Variants in PPM1N observed in about 807,000 individuals in gnomAD.
PPM1N encodes the protein protein phosphatase, Mg2+/Mn2+ dependent 1N (putative), also known as probable protein phosphatase 1N.
Under a neutral mutation model 32.6 loss-of-function variants are expected in PPM1N, and 35 were observed. That is an observed-to-expected ratio of 1.07 (90% confidence interval 0.82 to 1.43). PPM1N has a LOEUF of 1.43. Ranked by LOEUF, PPM1N falls within the 40% of genes most tolerant of loss-of-function variation. PPM1N has a pLI of 0.00. For missense variants in PPM1N, 648 were observed against 606.6 expected, an observed-to-expected ratio of 1.07 and a Z score of -0.72; for synonymous variants, 275 against 270.5, an observed-to-expected ratio of 1.02 and a Z score of -0.16.
chr19:45,500,840 C>CTTCT (rs540354314), intron 4 of PPM1N, 130 bp downstream of exon 4: 1 of 682,596 alleles, frequency 1.5e-6, no homozygotes, highest in Non-Finnish European at 2.5e-6. Flanking sequence ...CCTCTTTTCT[C>CTTCT]TTCTTTCTTT....
In PPM1N at chr19:45,498,552, A is replaced by C. The variant is rs1346159929; in HGVS notation, c.80A>C (p.Glu27Ala). The part of the protein sequence containing the change: ...KKKEREKEGR[E>A]EEEEEEAGRR... ...AAGGAGAGGGAGAAGGAGGGGAGGG[A>C]GGAAGAGGAGGAGGAGGAGGCGGGG... Residue 27 changes from glutamate (E) to alanine (A), a missense_variant, in exon 1 of 5, where the codon GAG becomes GCG. Physicochemically the swap from Glu to Ala is moderately radical, Grantham distance 107. Coordinates refer to ENST00000451287, the MANE Select transcript of PPM1N (RefSeq NM_001080401.2). 7 of 1,455,318 alleles carry C rather than the reference A, an allele frequency of 4.8e-6. No individual in the cohort carries two copies. 90.2% of individuals were successfully genotyped at this position (1,455,318 alleles called of 1,614,324 possible).
Position 45,499,961 on chromosome 19 carries a change from A to C in PPM1N, c.952A>C (p.Asn318His). The part of the protein sequence containing the change: ...DTCLCKGSLD[N>H]MTCILVCFPG... ...CCACCGGCTTCAGGGCAGCCTGGAC[A>C]ACATGACCTGCATCCTGGTCTGCTT... The change falls in exon 2 of 5, where the codon AAC becomes CAC. Residue 318 changes from asparagine (N) to histidine (H), a missense_variant. Asn to His is a moderately conservative substitution (Grantham distance 68). Coordinates refer to ENST00000451287, the MANE Select transcript of PPM1N (RefSeq NM_001080401.2). 6.3e-7 allele frequency: 1 copy of C among 1,588,236 alleles called. No individual in the cohort carries two copies. The highest frequency in any genetic ancestry group is 1.3e-5 in the African/African-American group (1 of 74,430).
intron 2 of PPM1N, 75 bp downstream of exon 2, chr19:45,500,141 C>CT (rs5828239): frequency 0.28 from 326,240 of 1,183,050 alleles, 10,628 homozygotes; most frequent in South Asian, 0.37. Context: ...TTCTTTTTTT[C>CT]TTTTTTTTTT....
In PPM1N at chr19:45,498,640, C is replaced by CGG; in HGVS notation, c.172_173dup (p.Ala59ValfsTer88). 4 of 1,414,018 alleles carry CGG rather than the reference C, an allele frequency of 2.8e-6. No individual in the cohort carries two copies. Among genetic ancestry groups the CGG allele is most frequent in the Non-Finnish European group, 3.7e-6 (4 of 1,089,242 alleles). 87.6% of individuals were successfully genotyped at this position (1,414,018 alleles called of 1,614,324 possible). A position where few individuals can be genotyped will look rare whatever the true frequency, so the allele number is the denominator to read the frequency against. Reference sequence around the variant, plus strand: ...CGCCGCGCCGCGCCCAGCGGCCGCACGGGGGTGCCGAGGCGTCTGGGGGCC... The same window carrying CGG: ...CGCCGCGCCGCGCCCAGCGGCCGCACGGGGGGGTGCCGAGGCGTCTGGGGGCC... On this transcript the variant is annotated frameshift_variant, in exon 1 of 5. Transcript: ENST00000451287. LOFTEE classifies it high-confidence loss of function.
rs947001120 is a variant in PPM1N at position 45,499,095 on chromosome 19, G to A, written c.623G>A (p.Arg208His). 12 of 1,514,730 alleles carry A rather than the reference G, an allele frequency of 7.9e-6. No individual in the cohort carries two copies. Among genetic ancestry groups the A allele is most frequent in the African/African-American group, 1.4e-5 (1 of 71,602 alleles). The allele number at this position is 1,514,730 out of a possible 1,614,324, so 93.8% of individuals were successfully genotyped here. A position where few individuals can be genotyped will look rare whatever the true frequency, so the allele number is the denominator to read the frequency against. The change falls in exon 1 of 5, where the codon CGC becomes CAC. Residue 208 changes from arginine (R) to histidine (H), a missense_variant. Transcript: ENST00000451287. The part of the protein sequence containing the change: ...EDHRPLRPRE[R>H]ERIHAAGGTI... ...CACCGGCCCCTTCGACCCCGGGAAC[G>A]CGAGCGCATCCACGCCGCTGGCGGC...
rs1056433821 is a variant in PPM1N, at chr19:45,499,539, A to G, written c.939+128A>G. ...CTAGCAAAGGAGGGGATAGGACTCA[A>G]GCGAAGGGCGTGGCCTGAAGTGGGC... On this transcript the variant is annotated intron_variant, in intron 1 of 4. Transcript: ENST00000451287. The G allele has an allele frequency of 7.1e-6, 11 of 1,551,748 alleles. No individual in the cohort carries two copies. In the African/African-American group the frequency reaches 1.5e-4, roughly 21 times the overall value.
Position 45,498,690 on chromosome 19 carries a change from A to G in PPM1N, c.218A>G (p.Gln73Arg). 2 of 1,481,348 alleles carry G rather than the reference A, an allele frequency of 1.4e-6. No individual in the cohort carries two copies. The highest frequency in any genetic ancestry group is 1.8e-6 in the Non-Finnish European group (2 of 1,118,574). 91.8% of individuals were successfully genotyped at this position (1,481,348 alleles called of 1,614,324 possible). ...GGLRFGASAA[Q>R]GWRARMEDAH... is the part of the protein sequence containing the mutation. ...CTGCGCTTCGGGGCGAGCGCAGCGCAAGGCTGGCGCGCGCGCATGGAGGAT... is the reference window on the plus strand; with the variant it reads ...CTGCGCTTCGGGGCGAGCGCAGCGCGAGGCTGGCGCGCGCGCATGGAGGAT... The change falls in exon 1 of 5, where the codon CAA becomes CGA. Residue 73 changes from glutamine to arginine, a missense_variant. Gln to Arg is a conservative substitution (Grantham distance 43). Coordinates refer to ENST00000451287, the MANE Select transcript of PPM1N (RefSeq NM_001080401.2).
At chr19:45,501,915 G>T in intron 4 of PPM1N, 102 bp from the exon 5 acceptor site, 1 of 766,372 alleles carries the variant, frequency 1.3e-6, no homozygotes, top group South Asian at 2.4e-5. Flanking sequence ...AAACCTTAAT[G>T]GATTGTGAGA....
In PPM1N at chr19:45,500,009, GAGGAGGCGATC is replaced by G; in HGVS notation, c.1007_1017del (p.Ala336GlyfsTer14). 1 of 1,604,744 alleles carries G rather than the reference GAGGAGGCGATC, an allele frequency of 6.2e-7. No homozygotes were observed. Among genetic ancestry groups the G allele is most frequent in the Non-Finnish European group, 8.5e-7 (1 of 1,175,438 alleles). Reference sequence around the variant, plus strand: ...CTTCCCTGGGGCCCCTAGGCCTTCTGAGGAGGCGATCAGGAGGGAGCTAGCACTGGACGCAG... The same window carrying G: ...CTTCCCTGGGGCCCCTAGGCCTTCTGAGGAGGGAGCTAGCACTGGACGCAG... On this transcript the variant is annotated frameshift_variant, in exon 2 of 5. Transcript: ENST00000451287. LOFTEE classifies it high-confidence loss of function.
intron 1 of PPM1N, 35 bp from the exon 2 acceptor site, chr19:45,499,914 C>T (rs943232398): frequency 1.3e-6 from 2 of 1,550,932 alleles, no homozygotes; most frequent in African/African-American, 1.4e-5. Context: ...CTTGGACTCT[C>T]CCCCACCGGG....
At position 45,499,105 on chromosome 19, in the gene PPM1N, C is replaced by G; in HGVS notation, c.633C>G (p.Ile211Met). Residue 211 changes from isoleucine (I) to methionine (M), a missense_variant, in exon 1 of 5, where the codon ATC (isoleucine) becomes ATG (methionine). Ile to Met is a conservative substitution (Grantham distance 10). Transcript: ENST00000451287. The part of the protein sequence containing the change: ...RPLRPRERER[I>M]HAAGGTIRRR... ...TTCGACCCCGGGAACGCGAGCGCAT[C>G]CACGCCGCTGGCGGCACCATCCGCC... 1 of 1,517,598 alleles carries G rather than the reference C, an allele frequency of 6.6e-7. No homozygotes were observed. The highest frequency in any genetic ancestry group is 8.7e-7 in the Non-Finnish European group (1 of 1,142,884). 94.0% of individuals were successfully genotyped at this position (1,517,598 alleles called of 1,614,324 possible).
rs774960550 is a variant in PPM1N, at chr19:45,498,919, G to A, written c.447G>A (p.Glu149=). The stretch of plus-strand genomic sequence containing the variant: ...GCCGAGCCTTCTTGAGCGCCGACGA[G>A]CGCCTGCGCTCCCTCTGGCCCCGCG... ...ALRRAFLSAD[E]RLRSLWPRVE... Residue 149 remains glutamate, a synonymous_variant, in exon 1 of 5, where the codon GAG becomes GAA. Coordinates refer to ENST00000451287, the MANE Select transcript of PPM1N (RefSeq NM_001080401.2). 6.5e-7 allele frequency: 1 copy of A among 1,532,304 alleles called. No homozygotes were observed. Among genetic ancestry groups the A allele is most frequent in the Non-Finnish European group, 8.7e-7 (1 of 1,148,820 alleles). 94.9% of individuals were successfully genotyped at this position (1,532,304 alleles called of 1,614,324 possible).
In PPM1N at chr19:45,498,693, G is replaced by T; in HGVS notation, c.221G>T (p.Gly74Val). The T allele has an allele frequency of 6.7e-7, 1 of 1,489,424 alleles. No individual in the cohort carries two copies. Among genetic ancestry groups the T allele is most frequent in the Non-Finnish European group, 8.9e-7 (1 of 1,122,114 alleles). The allele number at this position is 1,489,424 out of a possible 1,614,324, so 92.3% of individuals were successfully genotyped here. A position where few individuals can be genotyped will look rare whatever the true frequency, so the allele number is the denominator to read the frequency against. Reference protein sequence around the residue: ...GLRFGASAAQGWRARMEDAHC... With the variant: ...GLRFGASAAQVWRARMEDAHC... Reference sequence around the variant, plus strand: ...CGCTTCGGGGCGAGCGCAGCGCAAGGCTGGCGCGCGCGCATGGAGGATGCT... The same window carrying T: ...CGCTTCGGGGCGAGCGCAGCGCAAGTCTGGCGCGCGCGCATGGAGGATGCT... The change falls in exon 1 of 5, where the codon GGC becomes GTC. Residue 74 changes from glycine to valine, a missense_variant. By Grantham distance (109) the Gly-to-Val change is moderately radical. Coordinates refer to ENST00000451287, the MANE Select transcript of PPM1N (RefSeq NM_001080401.2).
intron 4 of PPM1N, among the ~76,000 whole-genome samples, chr19:45,501,271 A>G (rs540700628): frequency 2.0e-5 from 3 of 152,374 alleles, no homozygotes; most frequent in African/African-American, 7.2e-5. Flanking sequence ...AGTATGATCC[A>G]GGTCTTAGAC....
At chr19:45,499,863 A>C in intron 1 of PPM1N, 86 bp from the exon 2 acceptor site, 1 of 1,525,106 alleles carries the variant, frequency 6.6e-7, no homozygotes. Context: ...AAGTAGAATG[A>C]AGTGGGGGAC....
chr19:45,498,455 T>A lies in PPM1N; in HGVS notation c.-18T>A. 1 of 1,336,092 alleles carries A rather than the reference T, an allele frequency of 7.5e-7. No homozygotes were observed. The highest frequency in any genetic ancestry group is 9.6e-7 in the Non-Finnish European group (1 of 1,042,642). 82.8% of individuals were successfully genotyped at this position (1,336,092 alleles called of 1,614,324 possible). A position where few individuals can be genotyped will look rare whatever the true frequency, so the allele number is the denominator to read the frequency against. On this transcript the variant is annotated 5_prime_UTR_variant, in exon 1 of 5. Transcript: ENST00000451287. The stretch of plus-strand genomic sequence containing the variant: ...GCAGGTGTACAGGGTGGAGCCTTCC[T>A]GATCCCAGGGCTGAAGGATGGCGGT...
Position 45,502,026 on chromosome 19 carries a change from G to C in PPM1N, c.1234G>C (p.Asp412His). Residue 412 changes from aspartate (D) to histidine (H), a missense_variant, in exon 5 of 5, where the codon GAT (aspartate) becomes CAT (histidine). By Grantham distance (81) the Asp-to-His change is moderately conservative. Transcript: ENST00000451287. The stretch of plus-strand genomic sequence containing the variant: ...ACATTTTGTGTTACAGAAGGGGCAG[G>C]ATGGGGCTGGGAAGTCCAACCCCAC... ...VSEECGEKGQDGAGKSNPTHL... is the reference protein window; with the variant it reads ...VSEECGEKGQHGAGKSNPTHL... The C allele has an allele frequency of 6.6e-7, 1 of 1,519,906 alleles. No homozygotes were observed. Among genetic ancestry groups the C allele is most frequent in the Non-Finnish European group, 8.8e-7 (1 of 1,141,176 alleles). The allele number at this position is 1,519,906 out of a possible 1,614,324, so 94.2% of individuals were successfully genotyped here.
At position 45,500,139 on chromosome 19, in the gene PPM1N, T is replaced by TCC. The variant is rs1340078484; in HGVS notation, c.1057+73_1057+74insCC. ...GGCTGTGCCATAACTTTTTCTTTTT[T>TCC]TCTTTTTTTTTTTGAGATGGAGTCT... On this transcript the variant is annotated intron_variant, in intron 2 of 4. Coordinates refer to ENST00000451287, the MANE Select transcript of PPM1N (RefSeq NM_001080401.2). 59 of 1,466,118 alleles carry TCC rather than the reference T, an allele frequency of 4.0e-5. No individual in the cohort carries two copies. In the African/African-American group the frequency reaches 8.5e-4, roughly 21 times the overall value. 90.8% of individuals were successfully genotyped at this position (1,466,118 alleles called of 1,614,324 possible). A position where few individuals can be genotyped will look rare whatever the true frequency, so the allele number is the denominator to read the frequency against.
At chr19:45,499,877 A>G (rs1968382641) in intron 1 of PPM1N, 72 bp from the exon 2 acceptor site, 1 of 1,531,428 alleles carries the variant, frequency 6.5e-7, no homozygotes, top group Admixed American at 2.1e-5. Flanking sequence ...GGGGGACTTG[A>G]ACCTGGGGAT....
Sources: gnomAD v4.1 joint callset for allele counts (sites outside exome capture counted in the v4.1 genomes callset) on GRCh38, gnomAD v4.1.1 for gene constraint, MANE v1.5 for transcripts, NCBI Gene and HGNC (gene_info 2026-07-23, HGNC 2026-07-21) for gene names.